DTNA: variants seen among roughly 807,000 people sequenced by gnomAD.
The protein encoded by DTNA is dystrophin-related protein 3.
A neutral mutation model predicts 100.7 loss-of-function variants in DTNA; 43 were observed. The ratio of observed to expected loss-of-function variants is 0.43; its 90% confidence interval spans 0.33 to 0.55. DTNA has a LOEUF of 0.55. Ranked by LOEUF, DTNA falls within the 20% of genes least tolerant of loss-of-function variation. The pLI, the probability that DTNA is intolerant of heterozygous loss-of-function variation, is 0.04. For synonymous variants in DTNA, 349 were observed against 347.9 expected, an observed-to-expected ratio of 1.00 and a Z score of -0.04; for missense variants, 798 against 953.9, an observed-to-expected ratio of 0.84 and a Z score of 2.15.
intron 18 of DTNA, 62 bp from the exon 19 acceptor site, chr18:34,877,657 A>G (rs1045846965): frequency 1.2e-4 from 181 of 1,459,968 alleles, no homozygotes; most frequent in Non-Finnish European, 1.6e-4. Flanking sequence ...ATAAATAAAC[A>G]ACATAAAAAT....
At chr18:34,683,844 A>T (rs1383767305) in intron 1 of DTNA, 1 of 152,138 alleles carries the variant, frequency 6.6e-6, no homozygotes, top group African/African-American at 2.4e-5. Flanking sequence ...ATTATAATTT[A>T]AAAAAATACC....
At position 34,753,238 on chromosome 18, in the gene DTNA, G is replaced by A. The variant is rs748089801; in HGVS notation, c.-1-2738G>A. Among the ~76,000 whole-genome samples the A allele has an allele frequency of 1.2e-4, 18 of 152,218 alleles. No individual in the cohort carries two copies. The East Asian group carries it at 1.7e-3, about 15-fold the overall frequency. On this transcript the variant is annotated intron_variant, in intron 1 of 22. Coordinates refer to ENST00000444659, the MANE Select transcript of DTNA (RefSeq NM_001386795.1). ...ATAGGAGTAGAGTTGTCACAACACCGCAAAACAAGTAGTACAAGCAGCAAG... is the reference window on the plus strand; with the variant it reads ...ATAGGAGTAGAGTTGTCACAACACCACAAAACAAGTAGTACAAGCAGCAAG...
intron 1 of DTNA, among the ~76,000 whole-genome samples, chr18:34,510,241 T>A (rs151094418): frequency 6.2e-4 from 94 of 152,076 alleles, no homozygotes; most frequent in African/African-American, 2.2e-3. Context: ...CCAATTAGAT[T>A]TTTTTTCCTA....
At chr18:34,692,948 C>T (rs1230835123) in intron 1 of DTNA, among the ~76,000 whole-genome samples, 1 of 151,974 alleles carries the variant, frequency 6.6e-6, no homozygotes, top group Non-Finnish European at 1.5e-5. Flanking sequence ...AAAAAAATTT[C>T]CTAGACATAG....
intron 3 of DTNA, among the ~76,000 whole-genome samples, chr18:34,791,660 A>T (rs1418943628): frequency 6.6e-6 from 1 of 152,206 alleles, no homozygotes; most frequent in African/African-American, 2.4e-5. Flanking sequence ...ATTTGAAATC[A>T]CTTAAATCTG....
intron 1 of DTNA, among the ~76,000 whole-genome samples, chr18:34,574,824 A>G (rs1423288110): frequency 6.6e-6 from 1 of 152,104 alleles, no homozygotes; most frequent in Non-Finnish European, 1.5e-5. Flanking sequence ...CTATTTTTGT[A>G]GACATGGGTT....
intron 1 of DTNA, among the ~76,000 whole-genome samples, chr18:34,669,978 T>C (rs972123000): frequency 1.3e-5 from 2 of 152,260 alleles, no homozygotes; most frequent in African/African-American, 4.8e-5. Flanking sequence ...TGGCCTGCCT[T>C]GCTAGGTTGG....
intron 13 of DTNA, among the ~76,000 whole-genome samples, chr18:34,842,137 A>G (rs1210663793): frequency 6.6e-6 from 1 of 152,156 alleles, no homozygotes; most frequent in African/African-American, 2.4e-5. Context: ...GCTAGTTTAT[A>G]CCAAGGTCTG....
At chr18:34,613,924 A>T in intron 1 of DTNA, among the ~76,000 whole-genome samples, 1 of 152,230 alleles carries the variant, frequency 6.6e-6, no homozygotes, top group East Asian at 1.9e-4. Context: ...AGCTTTCTAT[A>T]GGAAGAAGAT....
intron 1 of DTNA, among the ~76,000 whole-genome samples, chr18:34,704,394 T>G (rs897380154): frequency 6.6e-6 from 1 of 152,228 alleles, no homozygotes. Context: ...ACTGTGCTGA[T>G]GTATTCCAAG....
chr18:34,510,622 CTTTT>C (rs1027138316), intron 1 of DTNA, among the ~76,000 whole-genome samples: 1 of 92,838 alleles, frequency 1.1e-5, no homozygotes. Context: ...ACTGGCCATT[CTTTT>C]TTTTTTTTTT....
intron 11 of DTNA, among the ~76,000 whole-genome samples, chr18:34,834,580 G>A (rs1364326574): frequency 2.0e-5 from 3 of 152,274 alleles, no homozygotes; most frequent in East Asian, 3.9e-4. Context: ...TCTGCTTCTG[G>A]TGAGACTTCA....
intron 5 of DTNA, among the ~76,000 whole-genome samples, chr18:34,808,079 G>A (rs2095409471): frequency 6.6e-6 from 1 of 152,010 alleles, no homozygotes; most frequent in African/African-American, 2.4e-5. Context: ...CCACTTGAGA[G>A]ACATCTAAAA....
At chr18:34,624,759 G>A (rs1391624207) in intron 1 of DTNA, among the ~76,000 whole-genome samples, 1 of 152,208 alleles carries the variant, frequency 6.6e-6, no homozygotes, top group Non-Finnish European at 1.5e-5. Flanking sequence ...ACAATACACA[G>A]TGGGAAACAG....
intron 1 of DTNA, among the ~76,000 whole-genome samples, chr18:34,583,680 C>CAA (rs1167901236): frequency 6.6e-6 from 1 of 150,614 alleles, no homozygotes. Context: ...GAGGAGATGC[C>CAA]AAAAAGAAAC....
intron 1 of DTNA, among the ~76,000 whole-genome samples, chr18:34,613,337 C>A (rs545872601): frequency 7.4e-4 from 113 of 152,270 alleles, no homozygotes; most frequent in Middle Eastern, 3.4e-3. Context: ...CAAGTAATAA[C>A]CCTACAATGG....
intron 1 of DTNA, among the ~76,000 whole-genome samples, chr18:34,547,862 T>G (rs2044969850): frequency 6.6e-6 from 1 of 152,164 alleles, no homozygotes; most frequent in South Asian, 2.1e-4. Context: ...ATATCCTGGG[T>G]GCAATCTGTC....
chr18:34,540,311 A>G (rs2145721066), intron 1 of DTNA, among the ~76,000 whole-genome samples: 1 of 152,164 alleles, frequency 6.6e-6, no homozygotes, highest in Non-Finnish European at 1.5e-5. Context: ...GAACACAAGC[A>G]TGCAAGCCAT....
intron 17 of DTNA, among the ~76,000 whole-genome samples, chr18:34,864,507 C>T (rs991211633): frequency 4.6e-5 from 7 of 152,140 alleles, no homozygotes; most frequent in African/African-American, 1.7e-4. Context: ...CCCGCCTCGG[C>T]CTCCCAAAGT....
Sources: allele counts gnomAD v4.1 joint callset (sites outside exome capture counted in the v4.1 genomes callset), GRCh38; gene constraint gnomAD v4.1.1; transcripts MANE v1.5; gene names NCBI Gene and HGNC (gene_info 2026-07-23, HGNC 2026-07-21).